BCLAF3: variants seen among roughly 807,000 people sequenced by gnomAD.
BCLAF3 encodes the protein BCLAF1 and THRAP3 family member 3.
A neutral mutation model predicts 51.2 loss-of-function variants in BCLAF3; 24 were observed. The ratio of observed to expected loss-of-function variants is 0.47; its 90% confidence interval spans 0.34 to 0.66. BCLAF3 has a LOEUF of 0.66. Among genes scored for constraint, BCLAF3 ranks in the 30% least tolerant of loss-of-function variants. The probability of loss-of-function intolerance (pLI) is 0.01; values close to 1 mark genes in which losing one functional copy is unlikely to be tolerated. For missense variants in BCLAF3, 465 were observed against 525.1 expected, an observed-to-expected ratio of 0.89 and a Z score of 1.12; for synonymous variants, 152 against 176.6, an observed-to-expected ratio of 0.86 and a Z score of 1.10.
At chrX:19,946,416 C>G (rs904065553) in intron 8 of BCLAF3, among the ~76,000 whole-genome samples, 4 of 111,807 alleles carry the variant, frequency 3.6e-5, no homozygotes, top group Admixed American at 9.4e-5. Flanking sequence ...ATCTAAGCAG[C>G]CTGGTTCCCT....
intron 8 of BCLAF3, among the ~76,000 whole-genome samples, chrX:19,947,355 T>C (rs1230210366): frequency 8.9e-6 from 1 of 112,240 alleles, no homozygotes; most frequent in Non-Finnish European, 1.9e-5. Context: ...CATACCTCTA[T>C]AACAAAACAA....
intron 3 of BCLAF3, 46 bp downstream of exon 3, chrX:19,966,034 C>G: frequency 9.2e-7 from 1 of 1,090,300 alleles, no homozygotes; most frequent in East Asian, 3.0e-5. Flanking sequence ...GATCTTTTCA[C>G]TTGAGGCTTT....
At chrX:19,924,090 G>A (rs1399245239) in intron 11 of BCLAF3, among the ~76,000 whole-genome samples, 1 of 110,812 alleles carries the variant, frequency 9.0e-6, no homozygotes, top group Middle Eastern at 4.7e-3. Flanking sequence ...GTGAGCCACC[G>A]CACCCAGCTG....
At chrX:19,958,013 T>C (rs919830501) in intron 4 of BCLAF3, among the ~76,000 whole-genome samples, 3 of 111,637 alleles carry the variant, frequency 2.7e-5, no homozygotes, top group Non-Finnish European at 3.8e-5. Flanking sequence ...CCAAAGCAAG[T>C]AGTTAAGCTA....
chrX:19,924,549 A>G (rs913589670), intron 11 of BCLAF3, among the ~76,000 whole-genome samples: 1 of 110,848 alleles, frequency 9.0e-6, no homozygotes, highest in Non-Finnish European at 1.9e-5. Context: ...GTACTCCATG[A>G]CTTTCAAGGT....
chrX:19,938,113 A>G (rs1054575733), intron 8 of BCLAF3, among the ~76,000 whole-genome samples: 1 of 111,258 alleles, frequency 9.0e-6, no homozygotes, highest in African/African-American at 3.3e-5. Context: ...AGGCAGCCCT[A>G]TCTGGGAGGG....
At chrX:19,953,201 G>A in intron 6 of BCLAF3, 150 bp from the exon 7 acceptor site, 1 of 439,199 alleles carries the variant, frequency 2.3e-6, no homozygotes. Context: ...CACCTATATG[G>A]CAGTCTCCCA....
intron 9 of BCLAF3, among the ~76,000 whole-genome samples, chrX:19,937,044 T>C (rs1482006976): frequency 9.0e-6 from 1 of 111,687 alleles, no homozygotes; most frequent in East Asian, 2.8e-4. Flanking sequence ...TTTATTATTA[T>C]TATATTTTTT....
intron 11 of BCLAF3, among the ~76,000 whole-genome samples, chrX:19,920,169 T>C (rs1032933158): frequency 8.9e-6 from 1 of 111,954 alleles, no homozygotes; most frequent in Non-Finnish European, 1.9e-5. Context: ...AGGGTGGTAA[T>C]GTATCGCATG....
chrX:19,916,433 G>A lies in BCLAF3; in HGVS notation c.*872C>T, dbSNP rs1381321022. The A allele has an allele frequency of 8.9e-6, 1 of 112,526 alleles. No individual in the cohort carries two copies. Among genetic ancestry groups the A allele is most frequent in the Non-Finnish European group, 1.9e-5 (1 of 53,209 alleles). 9.3% of individuals were successfully genotyped at this position (112,526 alleles called of 1,213,427 possible). ...ATTTGCTCTTACACATAGTAGGTAT[G>A]CAATACATATCAACTGAACTAAAAG... On this transcript the variant is annotated 3_prime_UTR_variant, in exon 12 of 12. Coordinates refer to ENST00000379682, the MANE Select transcript of BCLAF3 (RefSeq NM_001367774.2).
chrX:19,965,827 C>T, intron 3 of BCLAF3, 121 bp from the exon 4 acceptor site: 2 of 753,520 alleles, frequency 2.7e-6, no homozygotes, highest in Non-Finnish European at 3.8e-6. Flanking sequence ...AATCTATAAC[C>T]CTTTAAGCCA....
At chrX:19,971,329 G>A (rs944539439) in intron 1 of BCLAF3, among the ~76,000 whole-genome samples, 3 of 111,823 alleles carry the variant, frequency 2.7e-5, no homozygotes, top group Non-Finnish European at 5.6e-5. Flanking sequence ...GCAATCCTCC[G>A]ACCTTGGCCT....
At chrX:19,965,986 G>T (rs1211951823) in intron 3 of BCLAF3, 94 bp downstream of exon 3, 1 of 850,277 alleles carries the variant, frequency 1.2e-6, no homozygotes, top group African/African-American at 2.0e-5. Context: ...TTAGACAAAA[G>T]CTTTTCAAGG....
Position 19,966,410 on chromosome X carries a change from TTATACA to T in BCLAF3, c.275_280del (p.Met92_Tyr93del). On this transcript the variant is annotated inframe_deletion, in exon 3 of 12. Coordinates refer to ENST00000379682, the MANE Select transcript of BCLAF3 (RefSeq NM_001367774.2). ...TCCAGGCGAATATCCTCTGTGAGGC[TTATACA>T]TATAAACATTTTCTAAAGAGTTTCT... 8.3e-7 allele frequency: 1 copy of T among 1,211,773 alleles called. No individual in the cohort carries two copies. Among genetic ancestry groups the T allele is most frequent in the Non-Finnish European group, 1.1e-6 (1 of 895,452 alleles).
At chrX:19,976,544 C>G (rs984108932) in intron 1 of BCLAF3, among the ~76,000 whole-genome samples, 1 of 111,304 alleles carries the variant, frequency 9.0e-6, no homozygotes, top group Non-Finnish European at 1.9e-5. Flanking sequence ...GCATGCGCCA[C>G]CACTCCTGGC....
At chrX:19,925,630 G>A (rs182879305) in intron 11 of BCLAF3, among the ~76,000 whole-genome samples, 5,272 of 111,227 alleles carry the variant, frequency 0.047, 321 homozygotes, top group African/African-American at 0.16. Flanking sequence ...TGATGCTAAA[G>A]CTTGGGATGA....
intron 10 of BCLAF3, among the ~76,000 whole-genome samples, chrX:19,932,136 G>C (rs1195287125): frequency 2.7e-5 from 3 of 112,061 alleles, no homozygotes; most frequent in African/African-American, 9.7e-5. Context: ...TTACTCAGAA[G>C]ATTGATATAT....
At chrX:19,959,342 C>T (rs1434928847) in intron 4 of BCLAF3, among the ~76,000 whole-genome samples, 1 of 111,411 alleles carries the variant, frequency 9.0e-6, no homozygotes, top group African/African-American at 3.3e-5. Context: ...TGCAGCTCTA[C>T]AGTCCCAGGG....
intron 5 of BCLAF3, 56 bp downstream of exon 5, chrX:19,955,335 C>A: frequency 1.1e-6 from 1 of 928,593 alleles, no homozygotes; most frequent in Non-Finnish European, 1.5e-6. Context: ...ACCTGTATCT[C>A]GTGAATAGTA....
Sources: gnomAD v4.1 joint callset for allele counts (sites outside exome capture counted in the v4.1 genomes callset) on GRCh38, gnomAD v4.1.1 for gene constraint, MANE v1.5 for transcripts, NCBI Gene and HGNC (gene_info 2026-07-23, HGNC 2026-07-21) for gene names.